The following MYO7B variants were observed in gnomAD, a reference collection of about 807,000 sequenced individuals.
MYO7B encodes the protein unconventional myosin-VIIb.
In MYO7B, 212 loss-of-function variants were observed where a neutral mutation model predicts 259.7. That is an observed-to-expected ratio of 0.82 (90% CI 0.73 to 0.91). The LOEUF (loss-of-function observed/expected upper bound fraction) is 0.91, where lower values mean the gene tolerates loss of function less well. MYO7B is among the 40% of genes least tolerant of loss of function. MYO7B has a pLI of 0.00. For synonymous variants in MYO7B, 1,197 were observed against 1,166.4 expected (o/e 1.03, Z -0.54); for missense variants, 2,732 against 2,813.5 (o/e 0.97, Z 0.66).
At chr2:127,568,329 CT>C (rs1678441258) in intron 5 of MYO7B, among the ~76,000 whole-genome samples, 1 of 152,244 alleles carries the variant, frequency 6.6e-6, no homozygotes, top group African/African-American at 2.4e-5. Context: ...AAAGAGCCCC[CT>C]GATTTTGGTT....
chr2:127,610,084 T>C (rs2105035025), intron 24 of MYO7B, 68 bp downstream of exon 24: 8 of 1,562,104 alleles, frequency 5.1e-6, no homozygotes, highest in Non-Finnish European at 6.9e-6. Context: ...GCCCAGTCCC[T>C]GGGGCAGCTG....
In MYO7B at chr2:127,607,011, G is replaced by A. The variant is rs751144754; in HGVS notation, c.2425-195G>A. Among the ~76,000 whole-genome samples the A allele has an allele frequency of 4.6e-5, 7 of 152,354 alleles. No individual in the cohort carries two copies. The highest frequency in any genetic ancestry group is 1.9e-4 in the East Asian group (1 of 5,188). ...TATTTAGCACTTATTTGCATGTCACGCTCTGGCCTAAGTACTTTGTAAGCA... is the reference window on the plus strand; with the variant it reads ...TATTTAGCACTTATTTGCATGTCACACTCTGGCCTAAGTACTTTGTAAGCA... On this transcript the variant is annotated intron_variant, in intron 20 of 47. Coordinates refer to ENST00000409816, the MANE Select transcript of MYO7B (RefSeq NM_001393586.1). The surrounding 1 kb of genome is among the most constrained non-coding windows in gnomAD (Gnocchi z 4.4).
chr2:127,543,208 A>G (rs751229013), intron 1 of MYO7B, among the ~76,000 whole-genome samples: 2 of 152,164 alleles, frequency 1.3e-5, no homozygotes, highest in Non-Finnish European at 2.9e-5. Context: ...GAAATCTTGG[A>G]TAGTACCTGG....
At position 127,609,931 on chromosome 2, in the gene MYO7B, A is replaced by G; in HGVS notation, c.3107A>G (p.Gln1036Arg). The change falls in exon 24 of 48, where the codon CAG (glutamine) becomes CGG (arginine). Residue 1036 changes from glutamine (Q) to arginine (R), a missense_variant. By Grantham distance (43) the Gln-to-Arg change is conservative. Transcript: ENST00000409816. This position sits in a 1 kb window ranked among gnomAD's most constrained non-coding sequence, Gnocchi z 6.9. ...EPVLYARSSQ[Q>R]GSSVMRQIHD... ...GTGCTGTATGCCAGGAGCAGCCAGCAGGGCAGCTCAGTGATGCGGCAGATC... is the reference window on the plus strand; with the variant it reads ...GTGCTGTATGCCAGGAGCAGCCAGCGGGGCAGCTCAGTGATGCGGCAGATC... The G allele has an allele frequency of 6.2e-7, 1 of 1,609,098 alleles. No homozygotes were observed. Among genetic ancestry groups the G allele is most frequent in the Non-Finnish European group, 8.5e-7 (1 of 1,177,594 alleles).
chr2:127,637,403 C>T lies in MYO7B; in HGVS notation c.6415C>T (p.Leu2139=). The T allele has an allele frequency of 6.5e-7, 1 of 1,543,700 alleles. No homozygotes were observed. Among genetic ancestry groups the T allele is most frequent in the Non-Finnish European group, 8.7e-7 (1 of 1,145,210 alleles). Residue 2139 remains leucine, a synonymous_variant, in exon 48 of 48, where the codon CTG becomes TTG. Transcript: ENST00000409816. ...GCAGCGGGGCTCCAAGGCCCCAGCC[C>T]TGGCCAGCACCTAGCAGCGGATGCT... The part of the protein sequence containing the change: ...NKQRGSKAPA[L]AST
intron 26 of MYO7B, chr2:127,620,139 A>G (rs1413488491): frequency 4.0e-6 from 2 of 500,338 alleles, no homozygotes; most frequent in Non-Finnish European, 7.0e-6. Context: ...AGCACAGGCC[A>G]TGGGAGAGGA....
chr2:127,540,126 T>A (rs1347453973), intron 1 of MYO7B, among the ~76,000 whole-genome samples: 3 of 152,120 alleles, frequency 2.0e-5, no homozygotes, highest in African/African-American at 7.2e-5. Flanking sequence ...TTGTGGATTG[T>A]GCTCTTATAA....
intron 19 of MYO7B, among the ~76,000 whole-genome samples, chr2:127,601,970 A>T (rs1355085286): frequency 6.6e-6 from 1 of 152,122 alleles, no homozygotes; most frequent in Admixed American, 6.5e-5. Flanking sequence ...GACTTACTGT[A>T]TTTAGGCCTT....
intron 21 of MYO7B, among the ~76,000 whole-genome samples, chr2:127,608,310 G>A (rs975779190): frequency 3.3e-5 from 5 of 152,178 alleles, no homozygotes; most frequent in Non-Finnish European, 4.4e-5. Flanking sequence ...CTGTGACTTC[G>A]TTACTGCAGC....
chr2:127,559,573 G>A lies in MYO7B; in HGVS notation c.-23-127G>A. The A allele has an allele frequency of 1.2e-6, 1 of 815,238 alleles. No individual in the cohort carries two copies. The highest frequency in any genetic ancestry group is 1.5e-5 in the South Asian group (1 of 68,562). The allele number at this position is 815,238 out of a possible 1,614,324, so 50.5% of individuals were successfully genotyped here. On this transcript the variant is annotated intron_variant, in intron 1 of 47. Coordinates refer to ENST00000409816, the MANE Select transcript of MYO7B (RefSeq NM_001393586.1). This position sits in a 1 kb window ranked among gnomAD's most constrained non-coding sequence, Gnocchi z 4.1. ...CTCATTCATCCATTTATTCAGCATT[G>A]TTTTTGAGCCAGGTCCCATGCCGGG...
rs1681843016 is a variant in MYO7B, at chr2:127,636,737, C to A, written c.6208-57C>A. 6.2e-6 allele frequency: 10 copies of A among 1,611,950 alleles called. No homozygotes were observed. The South Asian group carries it at 1.1e-4, about 18-fold the overall frequency. On this transcript the variant is annotated intron_variant, in intron 46 of 47. Transcript: ENST00000409816. This position sits in a 1 kb window ranked among gnomAD's most constrained non-coding sequence, Gnocchi z 4.5. ...GTCCTGCCTCTCTCCTGTCCCCTAA[C>A]ACACACAGAGCCCGTGCTCTGGAGG...
chr2:127,583,992 A>T, intron 12 of MYO7B, 130 bp from the exon 13 acceptor site: 2 of 758,310 alleles, frequency 2.6e-6, no homozygotes, highest in Non-Finnish European at 4.4e-6. Flanking sequence ...TGTGTACACG[A>T]GGTGTGCATC....
chr2:127,625,550 A>G lies in MYO7B; in HGVS notation c.4215+15A>G. 6.3e-7 allele frequency: 1 copy of G among 1,584,678 alleles called. No individual in the cohort carries two copies. Among genetic ancestry groups the G allele is most frequent in the South Asian group, 1.1e-5 (1 of 87,618 alleles). ...CCTGCGCCAAGGTCAGCCTGCATGC[A>G]GCTCAGGCACCCACCCGAGGGCTCT... On this transcript the variant is annotated intron_variant, in intron 31 of 47. Transcript: ENST00000409816.
intron 24 of MYO7B, among the ~76,000 whole-genome samples, chr2:127,610,759 T>C (rs1680353629): frequency 6.6e-6 from 1 of 152,234 alleles, no homozygotes; most frequent in Non-Finnish European, 1.5e-5. Flanking sequence ...TGTGGGGTCC[T>C]GTGTGCAGAC....
intron 22 of MYO7B, 76 bp downstream of exon 22, chr2:127,608,954 C>T (rs146380316): frequency 5.9e-6 from 9 of 1,513,546 alleles, no homozygotes; most frequent in African/African-American, 2.7e-5. Flanking sequence ...ACTCAGTCCA[C>T]CTCTCGGCTC....
In MYO7B at chr2:127,618,885, A is replaced by C. The variant is rs111578026; in HGVS notation, c.3399-1455A>C. ...AGGCAGGGCTGCTACAGAGATCCAG[A>C]GAGAGCTGATGAGGAATTGCCCAAG... On this transcript the variant is annotated intron_variant, in intron 26 of 47. Coordinates refer to ENST00000409816, the MANE Select transcript of MYO7B (RefSeq NM_001393586.1). Among the ~76,000 whole-genome samples the C allele has an allele frequency of 6.5e-3, 985 of 152,352 alleles. 14 individuals carry two copies. Among genetic ancestry groups the C allele is most frequent in the African/African-American group, 0.021 (893 of 41,582 alleles).
intron 2 of MYO7B, among the ~76,000 whole-genome samples, chr2:127,562,634 C>T (rs971264347): frequency 1.4e-4 from 21 of 151,980 alleles, no homozygotes; most frequent in African/African-American, 3.6e-4. Context: ...ACTACAGGTG[C>T]TTGCCACCAC....
chr2:127,628,645 C>A lies in MYO7B; in HGVS notation c.4624+110C>A. 1 of 1,215,406 alleles carries A rather than the reference C, an allele frequency of 8.2e-7. No homozygotes were observed. Among genetic ancestry groups the A allele is most frequent in the Non-Finnish European group, 1.1e-6 (1 of 879,002 alleles). 75.3% of individuals were successfully genotyped at this position (1,215,406 alleles called of 1,614,324 possible). ...CTCCACACAGCAGCCACAAGGCAAG[C>A]AGAGGGAGGGAAGGCCCCAAAGCTC... On this transcript the variant is annotated intron_variant, in intron 34 of 47. Coordinates refer to ENST00000409816, the MANE Select transcript of MYO7B (RefSeq NM_001393586.1). The surrounding 1 kb of genome is among the most constrained non-coding windows in gnomAD (Gnocchi z 4.8).
chr2:127,632,122 G>A lies in MYO7B; in HGVS notation c.5250-124G>A, dbSNP rs1404439391. The A allele has an allele frequency of 8.6e-6, 10 of 1,156,580 alleles. No individual in the cohort carries two copies. The South Asian group carries it at 1.1e-4, about 13-fold the overall frequency. The allele number at this position is 1,156,580 out of a possible 1,614,324, so 71.6% of individuals were successfully genotyped here. A position where few individuals can be genotyped will look rare whatever the true frequency, so the allele number is the denominator to read the frequency against. ...CAGCTGGCATGGTGCAGCCTGGCAG[G>A]TGCCCTCCCCCTCGGGCCCTCTAGA... On this transcript the variant is annotated intron_variant, in intron 38 of 47. Coordinates refer to ENST00000409816, the MANE Select transcript of MYO7B (RefSeq NM_001393586.1).
Sources: gnomAD v4.1 joint callset for allele counts (sites outside exome capture counted in the v4.1 genomes callset) on GRCh38, gnomAD v4.1.1 for gene constraint, Gnocchi (gnomAD v3.1) non-coding constraint, MANE v1.5 for transcripts, NCBI Gene and HGNC (gene_info 2026-07-23, HGNC 2026-07-21) for gene names.